Variants in TMEM71 observed in about 807,000 individuals in gnomAD.
The protein encoded by TMEM71 is transmembrane protein 71.
A neutral mutation model predicts 38.0 loss-of-function variants in TMEM71; 44 were observed. That is an observed-to-expected ratio of 1.16 (90% CI 0.91 to 1.49). The LOEUF (loss-of-function observed/expected upper bound fraction) is 1.49. TMEM71 is among the 40% of genes most tolerant of loss of function. The pLI is 0.00. For synonymous variants in TMEM71, 133 were observed against 122.5 expected (o/e 1.09, Z -0.56); for missense variants, 367 against 348.6 (o/e 1.05, Z -0.42).
chr8:132,768,469 C>T, the TMEM71 span, among the ~76,000 whole-genome samples: 18 of 152,096 alleles, frequency 1.2e-4, no homozygotes, highest in African/African-American at 2.9e-4. Flanking sequence ...GGATATTTCC[C>T]GCAACTAGAA....
intron 5 of TMEM71, 144 bp from the exon 6 acceptor site, chr8:132,728,130 G>A (rs1365049816): frequency 1.7e-6 from 1 of 572,318 alleles, no homozygotes; most frequent in Non-Finnish European, 2.9e-6. Context: ...TACCATAGTG[G>A]GATGGGAGAA....
chr8:132,770,497 C>T, the TMEM71 span, among the ~76,000 whole-genome samples: 1 of 152,196 alleles, frequency 6.6e-6, no homozygotes, highest in Non-Finnish European at 1.5e-5. Flanking sequence ...CTAACTTTAT[C>T]TCAGCCAGTG....
At chr8:132,719,929 G>T (rs140708445) in intron 7 of TMEM71, among the ~76,000 whole-genome samples, 1 of 152,074 alleles carries the variant, frequency 6.6e-6, no homozygotes, top group Non-Finnish European at 1.5e-5. Context: ...TAGTCATTGC[G>T]TCTGCTAGGC....
upstream of TMEM71, among the ~76,000 whole-genome samples, chr8:132,761,746 G>A (rs1369940006): frequency 6.6e-6 from 1 of 152,172 alleles, no homozygotes; most frequent in African/African-American, 2.4e-5. Flanking sequence ...ACCATGATGA[G>A]GCTTCCATCT....
At position 132,727,786 on chromosome 8, in the gene TMEM71, AC is replaced by A. The variant is rs1333515793; in HGVS notation, c.676+11del. The A allele has an allele frequency of 6.3e-7, 1 of 1,585,086 alleles. No individual in the cohort carries two copies. The highest frequency in any genetic ancestry group is 2.2e-5 in the East Asian group (1 of 44,458). On this transcript the variant is annotated intron_variant, in intron 6 of 9. Transcript: ENST00000677595. Reference sequence around the variant, plus strand: ...TTTGGGTGTGGCAAATATTTAAAACACCTGAACTCACCTGAATGATCCGAAC... The same window carrying A: ...TTTGGGTGTGGCAAATATTTAAAACACTGAACTCACCTGAATGATCCGAAC...
chr8:132,712,375 C>T (rs1429489498), intron 9 of TMEM71, among the ~76,000 whole-genome samples: 1 of 152,060 alleles, frequency 6.6e-6, no homozygotes, highest in African/African-American at 2.4e-5. Flanking sequence ...AGAGAACAAA[C>T]AATGAGCTCA....
chr8:132,728,123 C>G, intron 5 of TMEM71, 137 bp from the exon 6 acceptor site: 4 of 601,376 alleles, frequency 6.7e-6, no homozygotes, highest in Non-Finnish European at 1.1e-5. Flanking sequence ...ATTGCACTAC[C>G]ATAGTGGGAT....
At chr8:132,765,761 T>A in the TMEM71 span, among the ~76,000 whole-genome samples, 3 of 151,004 alleles carry the variant, frequency 2.0e-5, no homozygotes, top group African/African-American at 4.9e-5. Flanking sequence ...AACACATCTT[T>A]TTATTATTAT....
rs557699886 is a variant in TMEM71 at position 132,760,539 on chromosome 8, C to T, written c.-100G>A. ...GGTGCTTGCAGAGAAGTTTTGTCTT[C>T]GGCAGCCTCTTGTTCTCTTGTCTGT... On this transcript the variant is annotated 5_prime_UTR_variant, in exon 1 of 10. Transcript: ENST00000677595. The T allele has an allele frequency of 1.6e-4, 24 of 152,364 alleles. No homozygotes were observed. Among genetic ancestry groups the T allele is most frequent in the African/African-American group, 3.8e-4 (16 of 41,576 alleles). The allele number at this position is 152,364 out of a possible 1,614,324, so 9.4% of individuals were successfully genotyped here.
At position 132,716,445 on chromosome 8, in the gene TMEM71, A is replaced by C. The variant is rs148301950; in HGVS notation, c.753-2230T>G. Among the ~76,000 whole-genome samples the C allele has an allele frequency of 5.3e-5, 8 of 152,326 alleles. No individual in the cohort carries two copies. In the East Asian group the frequency reaches 1.5e-3, roughly 29 times the overall value. ...AGCATATTTTGTCTGTAAAAAAGCT[A>C]CTCAGACCAGTCAGACCTAACACCC... On this transcript the variant is annotated intron_variant, in intron 7 of 9. Coordinates refer to ENST00000677595, the MANE Select transcript of TMEM71 (RefSeq NM_001382403.1).
downstream of TMEM71, among the ~76,000 whole-genome samples, chr8:132,706,047 G>C (rs1586778563): frequency 6.6e-6 from 1 of 152,214 alleles, no homozygotes; most frequent in African/African-American, 2.4e-5. Context: ...GGAGACACTG[G>C]ATCTTTCTTT....
In TMEM71 at chr8:132,751,955, G is replaced by T; in HGVS notation, c.144C>A (p.Cys48Ter). The part of the protein sequence containing the change: ...DSLDGYHSFE[C>*]GSIDPLTGSH... ...AGCCTGTCAGGGGATCTATGGAGCC[G>T]CATTCAAAAGAATGGTAACCATCCA... Residue 48 changes from cysteine to a stop codon, truncating the protein, a stop_gained, in exon 4 of 10, where the codon TGC (cysteine) becomes TGA (stop). Coordinates refer to ENST00000677595, the MANE Select transcript of TMEM71 (RefSeq NM_001382403.1). LOFTEE classifies it high-confidence loss of function. 1.2e-6 allele frequency: 2 copies of T among 1,614,080 alleles called. No individual in the cohort carries two copies. Among genetic ancestry groups the T allele is most frequent in the South Asian group, 1.1e-5 (1 of 91,084 alleles).
chr8:132,714,467 T>A (rs1826396275), intron 7 of TMEM71, among the ~76,000 whole-genome samples: 1 of 151,864 alleles, frequency 6.6e-6, no homozygotes, highest in South Asian at 2.1e-4. Flanking sequence ...GAACATACCG[T>A]CTTTTCAACC....
At chr8:132,758,035 T>C (rs1829130700) in intron 2 of TMEM71, 2 of 152,314 alleles carry the variant, frequency 1.3e-5, no homozygotes, top group South Asian at 4.1e-4. Flanking sequence ...CATTAGTGCA[T>C]ATTAAGACAC....
At chr8:132,751,758 T>C in intron 4 of TMEM71, 27 bp downstream of exon 4, 1 of 1,596,588 alleles carries the variant, frequency 6.3e-7, no homozygotes, top group Non-Finnish European at 8.6e-7. Flanking sequence ...GGACTTCAGA[T>C]TTCTTTCTGT....
chr8:132,754,365 C>T (rs1828888701), intron 3 of TMEM71, among the ~76,000 whole-genome samples: 1 of 152,140 alleles, frequency 6.6e-6, no homozygotes, highest in African/African-American at 2.4e-5. Context: ...ATGTACCTTT[C>T]CTCTCTTAGA....
rs188179919 is a variant in TMEM71 at position 132,756,013 on chromosome 8, C to T, written c.101+1221G>A. 7.9e-5 allele frequency among the ~76,000 whole-genome samples: 12 copies of T among 152,108 alleles called. No individual in the cohort carries two copies. The East Asian group carries it at 1.7e-3, about 22-fold the overall frequency. On this transcript the variant is annotated intron_variant, in intron 3 of 9. Coordinates refer to ENST00000677595, the MANE Select transcript of TMEM71 (RefSeq NM_001382403.1). ...ACATGTGCCTCTGTTCATATTGATT[C>T]GTTTGCTAGTATCAGGAGGCCTACA...
chr8:132,730,499 A>G (rs1165914663), intron 5 of TMEM71, among the ~76,000 whole-genome samples: 3 of 152,166 alleles, frequency 2.0e-5, no homozygotes, highest in Non-Finnish European at 2.9e-5. Flanking sequence ...TGCTTCAGAA[A>G]AAGATAATCC....
the TMEM71 span, among the ~76,000 whole-genome samples, chr8:132,770,167 A>G: frequency 1.3e-5 from 2 of 152,260 alleles, no homozygotes; most frequent in East Asian, 3.9e-4. Context: ...CTCTCACTAG[A>G]TTTGTCTCTC....
Sources: allele counts gnomAD v4.1 joint callset (sites outside exome capture counted in the v4.1 genomes callset), GRCh38; gene constraint gnomAD v4.1.1; transcripts MANE v1.5; gene names NCBI Gene and HGNC (gene_info 2026-07-23, HGNC 2026-07-21).